The following MAP3K5 variants were observed in gnomAD, a reference collection of about 807,000 sequenced individuals.
MAP3K5 encodes mitogen-activated protein kinase kinase kinase 5.
A neutral mutation model predicts 158.7 loss-of-function variants in MAP3K5; 56 were observed. That is an observed-to-expected ratio of 0.35 (90% CI 0.28 to 0.44). The LOEUF (loss-of-function observed/expected upper bound fraction) is 0.44. MAP3K5 is among the 20% of genes least tolerant of loss of function. The pLI, the probability that MAP3K5 is intolerant of heterozygous loss-of-function variation, is 1.00. For synonymous variants in MAP3K5, 579 were observed against 601.7 expected, an observed-to-expected ratio of 0.96 and a Z score of 0.55; for missense variants, 1,294 against 1,674.8, an observed-to-expected ratio of 0.77 and a Z score of 3.97.
chr6:136,697,343 C>T lies in MAP3K5; in HGVS notation c.851G>A (p.Arg284His), dbSNP rs1327710991. ...CAATTCTTTACCAGTGTATAAATTA[C>T]GAGCTTTCCTGATGTCATTGAGTAT... ...ESILNDIRKA[R>H]NLYTGKELAA... The change falls in exon 5 of 30, where the codon CGT becomes CAT. Residue 284 changes from arginine to histidine, a missense_variant. Coordinates refer to ENST00000359015, the MANE Select transcript of MAP3K5 (RefSeq NM_005923.4). 5 of 1,613,126 alleles carry T rather than the reference C, an allele frequency of 3.1e-6. No individual in the cohort carries two copies. Among genetic ancestry groups the T allele is most frequent in the South Asian group, 1.1e-5 (1 of 90,942 alleles).
chr6:136,646,361 A>G lies in MAP3K5; in HGVS notation c.1789-3792T>C, dbSNP rs551837698. Among the ~76,000 whole-genome samples, 3 of 152,354 alleles carry G rather than the reference A, an allele frequency of 2.0e-5. No homozygotes were observed. The South Asian group carries it at 6.2e-4, about 32-fold the overall frequency. On this transcript the variant is annotated intron_variant, in intron 11 of 29. Coordinates refer to ENST00000359015, the MANE Select transcript of MAP3K5 (RefSeq NM_005923.4). ...ATATCCTAATATTTCTTAGCATAAT[A>G]TAAAAATTGTCTCTATGATTGTCAC...
intron 7 of MAP3K5, among the ~76,000 whole-genome samples, chr6:136,688,940 G>A (rs533577220): frequency 2.0e-5 from 3 of 152,018 alleles, no homozygotes; most frequent in South Asian, 4.1e-4. Flanking sequence ...TTCATAAAGT[G>A]TAAACATCAG....
rs983594918 is a variant in MAP3K5 at position 136,659,269 on chromosome 6, C to T, written c.1476G>A (p.Met492Ile). 26 of 1,613,980 alleles carry T rather than the reference C, an allele frequency of 1.6e-5. No homozygotes were observed. The highest frequency in any genetic ancestry group is 6.7e-5 in the Admixed American group (4 of 60,008). The stretch of plus-strand genomic sequence containing the variant: ...GCTTTTCAGATGCTTGAATGACTCT[C>T]ATGTGGTCATTGGCTAGGACGCTGG... ...LGASVLANDHMRVIQASEKLF... is the reference protein window; with the variant it reads ...LGASVLANDHIRVIQASEKLF... Residue 492 changes from methionine (M) to isoleucine (I), a missense_variant, in exon 9 of 30, where the codon ATG becomes ATA. Physicochemically the swap from Met to Ile is conservative, Grantham distance 10 (BLOSUM62 1). Around this residue, in one of 5 missense-constraint regions of MAP3K5, gnomAD observed 690 missense variants for 870.5 expected, o/e 0.79. Coordinates refer to ENST00000359015, the MANE Select transcript of MAP3K5 (RefSeq NM_005923.4).
chr6:136,680,593 A>C (rs553176504), intron 7 of MAP3K5, among the ~76,000 whole-genome samples: 10 of 152,316 alleles, frequency 6.6e-5, no homozygotes, highest in African/African-American at 2.4e-4. Flanking sequence ...GCACAATACC[A>C]AACTGCTTTC....
intron 14 of MAP3K5, among the ~76,000 whole-genome samples, chr6:136,628,733 T>C (rs1468765470): frequency 6.6e-6 from 1 of 152,210 alleles, no homozygotes; most frequent in African/African-American, 2.4e-5. Context: ...ATGGTGATAG[T>C]AAAATGAAAA....
At chr6:136,754,757 A>G (rs1300360058) in intron 1 of MAP3K5, among the ~76,000 whole-genome samples, 1 of 152,186 alleles carries the variant, frequency 6.6e-6, no homozygotes, top group African/African-American at 2.4e-5. Flanking sequence ...GCTGGACTAG[A>G]GAGGAGCAAA....
intron 2 of MAP3K5, among the ~76,000 whole-genome samples, chr6:136,716,068 T>TAAAAAAAAAAAAAAAA (rs1781514468): frequency 1.7e-5 from 1 of 59,756 alleles, no homozygotes; most frequent in Admixed American, 2.1e-4. Context: ...AAAAAAAAAT[T>TAAAAAAAAAAAAAAAA]ACAGCTGAAG....
chr6:136,633,486 C>A (rs1583308587), intron 14 of MAP3K5, among the ~76,000 whole-genome samples: 1 of 151,658 alleles, frequency 6.6e-6, no homozygotes, highest in Non-Finnish European at 1.5e-5. Flanking sequence ...CTTAGCCCAG[C>A]GGGAGTATGA....
At chr6:136,565,712 A>G (rs553082273) in intron 26 of MAP3K5, among the ~76,000 whole-genome samples, 1 of 152,370 alleles carries the variant, frequency 6.6e-6, no homozygotes, top group East Asian at 1.9e-4. Context: ...ACTGAAAATT[A>G]GAAGGACCAA....
At chr6:136,640,601 T>G (rs780098188) in intron 12 of MAP3K5, among the ~76,000 whole-genome samples, 1 of 152,248 alleles carries the variant, frequency 6.6e-6, no homozygotes, top group Non-Finnish European at 1.5e-5. Flanking sequence ...TTCATTGCTC[T>G]TCTCACACTG....
chr6:136,763,524 A>G (rs79683342), intron 1 of MAP3K5, among the ~76,000 whole-genome samples: 6,132 of 152,236 alleles, frequency 0.04, 148 homozygotes, highest in African/African-American at 0.071. Flanking sequence ...GAAACTGAAA[A>G]TTTACAGAGG....
intron 1 of MAP3K5, among the ~76,000 whole-genome samples, chr6:136,766,550 A>G (rs1284409690): frequency 6.6e-6 from 1 of 152,234 alleles, no homozygotes; most frequent in Admixed American, 6.5e-5. Flanking sequence ...GTACAAGGAC[A>G]TCTGGCTCAA....
intron 1 of MAP3K5, among the ~76,000 whole-genome samples, chr6:136,783,927 A>G (rs1784729941): frequency 6.6e-6 from 1 of 152,188 alleles, no homozygotes; most frequent in South Asian, 2.1e-4. Context: ...CTCCACAAAG[A>G]AAGTGTGAAC....
At chr6:136,607,487 A>T (rs1004521506) in intron 18 of MAP3K5, among the ~76,000 whole-genome samples, 1 of 152,212 alleles carries the variant, frequency 6.6e-6, no homozygotes, top group African/African-American at 2.4e-5. Context: ...GACACATAAT[A>T]TTTTAAACAA....
intron 1 of MAP3K5, among the ~76,000 whole-genome samples, chr6:136,789,581 G>T (rs540434450): frequency 6.6e-6 from 1 of 150,902 alleles, no homozygotes; most frequent in African/African-American, 2.4e-5. Context: ...ATCTTTGCCA[G>T]CTCACTCACA....
chr6:136,668,419 T>A (rs951193096), intron 8 of MAP3K5, among the ~76,000 whole-genome samples: 2 of 152,170 alleles, frequency 1.3e-5, no homozygotes, highest in African/African-American at 4.8e-5. Context: ...AGAAAAAGTT[T>A]CTTCTACAAT....
At chr6:136,789,145 G>A (rs2115070799) in intron 1 of MAP3K5, among the ~76,000 whole-genome samples, 1 of 152,136 alleles carries the variant, frequency 6.6e-6, no homozygotes, top group African/African-American at 2.4e-5. Context: ...AAAAAACATA[G>A]TAAAATAAAA....
chr6:136,672,835 T>A (rs1289862816), intron 7 of MAP3K5, among the ~76,000 whole-genome samples: 1 of 151,036 alleles, frequency 6.6e-6, no homozygotes, highest in African/African-American at 2.4e-5. Flanking sequence ...ACTAAAAATA[T>A]AAAAATTAGC....
At chr6:136,749,060 C>A (rs935202909) in intron 1 of MAP3K5, among the ~76,000 whole-genome samples, 3 of 152,134 alleles carry the variant, frequency 2.0e-5, no homozygotes, top group Non-Finnish European at 4.4e-5. Context: ...TAGGACTGGC[C>A]GGGCACAGTG....
Sources: allele counts gnomAD v4.1 joint callset (sites outside exome capture counted in the v4.1 genomes callset), GRCh38; gene constraint gnomAD v4.1.1; regional missense constraint gnomAD v4.1.1; transcripts MANE v1.5; gene names NCBI Gene and HGNC (gene_info 2026-07-23, HGNC 2026-07-21).